Variants in CAPZB observed in about 807,000 individuals in gnomAD.
CAPZB encodes the protein F-actin-capping protein subunit beta.
Under a neutral mutation model 38.1 loss-of-function variants are expected in CAPZB, and 2 were observed. That is an observed-to-expected ratio of 0.05 (90% CI 0.02 to 0.17). The LOEUF (loss-of-function observed/expected upper bound fraction) is 0.17. CAPZB is among the 10% of genes least tolerant of loss of function. CAPZB has a pLI of 1.00. For synonymous variants in CAPZB, 107 were observed against 127.4 expected (o/e 0.84, Z 1.08); for missense variants, 161 against 334.2 (o/e 0.48, Z 4.04).
At position 19,339,484 on chromosome 1, in the gene CAPZB, G is replaced by A. The variant is rs185897855; in HGVS notation, c.*46C>T. The stretch of plus-strand genomic sequence containing the variant: ...GCAGAAAACGAGTTTTCTAAGAAAG[G>A]AATCTAACGAGTGCACGGCGTGTCT... On this transcript the variant is annotated 3_prime_UTR_variant, in exon 9 of 9. Transcript: ENST00000264202. 8 of 1,402,024 alleles carry A rather than the reference G, an allele frequency of 5.7e-6. No homozygotes were observed. In the East Asian group the frequency reaches 1.6e-4, roughly 28 times the overall value. 86.8% of individuals were successfully genotyped at this position (1,402,024 alleles called of 1,614,324 possible).
At chr1:19,339,832 T>TG (rs1469563486) in intron 8 of CAPZB, among the ~76,000 whole-genome samples, 3 of 152,214 alleles carry the variant, frequency 2.0e-5, no homozygotes, top group Non-Finnish European at 4.4e-5. Context: ...TGCCAGGCCC[T>TG]GTGGGGGTGG....
intron 2 of CAPZB, among the ~76,000 whole-genome samples, chr1:19,391,664 G>A (rs75875462): frequency 0.011 from 1,623 of 152,294 alleles, 27 homozygotes; most frequent in African/African-American, 0.037. Context: ...CCTCGAAACC[G>A]AACAGGTTCA....
chr1:19,376,836 T>A (rs560752875), intron 4 of CAPZB, among the ~76,000 whole-genome samples: 1 of 152,174 alleles, frequency 6.6e-6, no homozygotes, highest in Admixed American at 6.5e-5. Flanking sequence ...AATAAATCGA[T>A]GTTGGACTCT....
intron 3 of CAPZB, among the ~76,000 whole-genome samples, 158 bp from the exon 4 acceptor site, chr1:19,378,811 G>A (rs2094157005): frequency 6.6e-6 from 1 of 152,200 alleles, no homozygotes. Context: ...AGGGCTTTCT[G>A]GAGGTTTGGA....
chr1:19,473,257 C>T (rs1351378523), intron 1 of CAPZB, among the ~76,000 whole-genome samples: 2 of 152,224 alleles, frequency 1.3e-5, no homozygotes, highest in African/African-American at 4.8e-5. Context: ...GCCATCTCTG[C>T]CCCTTCCTAG....
chr1:19,422,218 C>T (rs1291681596), intron 1 of CAPZB, among the ~76,000 whole-genome samples: 1 of 152,106 alleles, frequency 6.6e-6, no homozygotes, highest in Non-Finnish European at 1.5e-5. Flanking sequence ...ACATTTTTGT[C>T]ACAACTGGGA....
Position 19,437,337 on chromosome 1 carries a change from T to C in CAPZB, c.4-17587A>G, listed in dbSNP as rs546827335. Among the ~76,000 whole-genome samples, 6 of 152,176 alleles carry C rather than the reference T, an allele frequency of 3.9e-5. No homozygotes were observed. In the South Asian group the frequency reaches 1.2e-3, roughly 32 times the overall value. ...GCTGACCAGCTCAAAGACTGGGATA[T>C]CATAACCCTAACAACATCCAGTCAG... On this transcript the variant is annotated intron_variant, in intron 1 of 8. Transcript: ENST00000264202.
intron 1 of CAPZB, among the ~76,000 whole-genome samples, chr1:19,439,764 G>A (rs1037269740): frequency 2.0e-5 from 3 of 152,348 alleles, no homozygotes; most frequent in East Asian, 3.9e-4. Context: ...GAGACCACTC[G>A]CCCTCGGCTG....
chr1:19,453,746 T>C (rs1039793467), intron 1 of CAPZB, among the ~76,000 whole-genome samples: 1 of 152,236 alleles, frequency 6.6e-6, no homozygotes, highest in African/African-American at 2.4e-5. Flanking sequence ...CCGCCCAGAA[T>C]AGCAGGGGCT....
chr1:19,473,204 T>C lies in CAPZB; in HGVS notation c.3+12232A>G, dbSNP rs559298857. 8.5e-5 allele frequency among the ~76,000 whole-genome samples: 13 copies of C among 152,294 alleles called. 2 individuals carry two copies. In the South Asian group the frequency reaches 2.5e-3, roughly 29 times the overall value. Reference sequence around the variant, plus strand: ...TCCTTGGATCAGACTCCAGGGTGCCTGCGAGGGACAAGTTTTAGAATCTGA... The same window carrying C: ...TCCTTGGATCAGACTCCAGGGTGCCCGCGAGGGACAAGTTTTAGAATCTGA... On this transcript the variant is annotated intron_variant, in intron 1 of 8. Coordinates refer to ENST00000264202, the MANE Select transcript of CAPZB (RefSeq NM_004930.5).
At chr1:19,363,902 A>G (rs566967419) in intron 4 of CAPZB, among the ~76,000 whole-genome samples, 3 of 152,306 alleles carry the variant, frequency 2.0e-5, no homozygotes, top group African/African-American at 7.2e-5. Flanking sequence ...TGCCACAAGA[A>G]CCAAGGCCAG....
intron 1 of CAPZB, among the ~76,000 whole-genome samples, chr1:19,473,630 G>A (rs1246118196): frequency 1.3e-5 from 2 of 152,176 alleles, no homozygotes; most frequent in Non-Finnish European, 2.9e-5. Flanking sequence ...TTGGGAGGCC[G>A]AGGCAGGTGG....
chr1:19,431,637 C>G (rs1237423311), intron 1 of CAPZB, among the ~76,000 whole-genome samples: 1 of 151,996 alleles, frequency 6.6e-6, no homozygotes, highest in Non-Finnish European at 1.5e-5. Context: ...AGGAGAATGG[C>G]GTGAACCCAG....
At chr1:19,390,095 A>G (rs1227192992) in intron 2 of CAPZB, among the ~76,000 whole-genome samples, 4 of 152,222 alleles carry the variant, frequency 2.6e-5, no homozygotes, top group East Asian at 3.9e-4. Context: ...GTCTGAGGCC[A>G]TATTACAGAA....
intron 1 of CAPZB, among the ~76,000 whole-genome samples, chr1:19,434,231 C>A (rs1051270159): frequency 3.3e-5 from 5 of 152,176 alleles, no homozygotes; most frequent in Non-Finnish European, 7.4e-5. Context: ...GAGTTCAAAG[C>A]CCATACTCGC....
intron 4 of CAPZB, among the ~76,000 whole-genome samples, chr1:19,363,279 T>TTTTTTTTTTG (rs397979443): frequency 6.7e-6 from 1 of 148,524 alleles, no homozygotes. Context: ...TTTTTTTTTT[T>TTTTTTTTTTG]AGAGACAGGG....
At chr1:19,397,199 A>G (rs1015676829) in intron 2 of CAPZB, among the ~76,000 whole-genome samples, 8 of 152,244 alleles carry the variant, frequency 5.3e-5, no homozygotes, top group African/African-American at 1.9e-4. Context: ...GCTGTAGGTC[A>G]TAATTCCCAA....
At chr1:19,387,570 C>T (rs1035238413) in intron 2 of CAPZB, among the ~76,000 whole-genome samples, 2 of 152,148 alleles carry the variant, frequency 1.3e-5, no homozygotes, top group Non-Finnish European at 2.9e-5. Context: ...TCTGTTGGGC[C>T]TCAACTTTTG....
intron 1 of CAPZB, among the ~76,000 whole-genome samples, chr1:19,431,983 C>T (rs1257904070): frequency 8.0e-6 from 1 of 124,248 alleles, no homozygotes; most frequent in Non-Finnish European, 1.6e-5. Context: ...GAGGCTGGGG[C>T]GGAAAGATCA....
Sources: gnomAD v4.1 joint callset for allele counts (sites outside exome capture counted in the v4.1 genomes callset) on GRCh38, gnomAD v4.1.1 for gene constraint, MANE v1.5 for transcripts, NCBI Gene and HGNC (gene_info 2026-07-23, HGNC 2026-07-21) for gene names.